CNNM2: variants seen among roughly 807,000 people sequenced by gnomAD.
CNNM2 encodes the protein cyclin and CBS domain divalent metal cation transport mediator 2, also known as metal transporter CNNM2.
CNNM2 carries 12 observed loss-of-function variants against 66.9 expected under a neutral mutation model. The ratio of observed to expected loss-of-function variants is 0.18; its 90% CI spans 0.11 to 0.29. The LOEUF (loss-of-function observed/expected upper bound fraction) is 0.29. CNNM2 is among the 10% of genes least tolerant of loss of function. CNNM2 has a pLI of 1.00. For synonymous variants in CNNM2, 557 were observed against 501.8 expected, an observed-to-expected ratio of 1.11 and a Z score of -1.47; for missense variants, 705 against 1,167.7, an observed-to-expected ratio of 0.60 and a Z score of 5.77.
intron 4 of CNNM2, among the ~76,000 whole-genome samples, chr10:103,065,461 A>C (rs191672586): frequency 6.6e-6 from 1 of 152,310 alleles, no homozygotes; most frequent in African/African-American, 2.4e-5. Context: ...AGATGGTGTG[A>C]ACCTATGGAT....
intron 1 of CNNM2, among the ~76,000 whole-genome samples, chr10:103,006,150 G>T (rs1324508559): frequency 3.3e-5 from 5 of 152,018 alleles, no homozygotes; most frequent in African/African-American, 1.2e-4. Flanking sequence ...CCATTGCAGG[G>T]GGAAAGCTTT....
Position 103,061,039 on chromosome 10 carries a change from G to A in CNNM2, c.2073+4075G>A, listed in dbSNP as rs181419321. On this transcript the variant is annotated intron_variant, in intron 4 of 7. Coordinates refer to ENST00000369878, the MANE Select transcript of CNNM2 (RefSeq NM_017649.5). ...TCCTTACGTACTTAAAAAGAAAATAGAACTATAATTATGTGGAAAAAGAGC... is the reference window on the plus strand; with the variant it reads ...TCCTTACGTACTTAAAAAGAAAATAAAACTATAATTATGTGGAAAAAGAGC... Among the ~76,000 whole-genome samples the A allele has an allele frequency of 4.6e-3, 707 of 152,104 alleles. 3 individuals are homozygous for A. Among genetic ancestry groups the A allele is most frequent in the Admixed American group, 7.2e-3 (110 of 15,266 alleles).
chr10:103,086,835 A>T lies in CNNM2; in HGVS notation c.*9655A>T, dbSNP rs1334311139. On this transcript the variant is annotated 3_prime_UTR_variant, in exon 8 of 8. Coordinates refer to ENST00000369878, the MANE Select transcript of CNNM2 (RefSeq NM_017649.5). ...ACCCTAAACTTTCTTGGCTGTGACCAACTTTTCTGAAGTACACCATCAGAG... is the reference window on the plus strand; with the variant it reads ...ACCCTAAACTTTCTTGGCTGTGACCTACTTTTCTGAAGTACACCATCAGAG... 1 of 152,224 alleles carries T rather than the reference A, an allele frequency of 6.6e-6. No homozygotes were observed. The highest frequency in any genetic ancestry group is 1.5e-5 in the Non-Finnish European group (1 of 68,044). The allele number at this position is 152,224 out of a possible 1,614,324, so 9.4% of individuals were successfully genotyped here. A position where few individuals can be genotyped will look rare whatever the true frequency, so the allele number is the denominator to read the frequency against.
chr10:102,937,301 T>C (rs951565128), intron 1 of CNNM2, among the ~76,000 whole-genome samples: 1 of 152,048 alleles, frequency 6.6e-6, no homozygotes, highest in African/African-American at 2.4e-5. Flanking sequence ...TGATCCCAGC[T>C]ACTCTTGAGG....
Position 102,933,710 on chromosome 10 carries a change from AT to A in CNNM2, c.1621+13618del, listed in dbSNP as rs977054539. Among the ~76,000 whole-genome samples, 24 of 152,002 alleles carry A rather than the reference AT, an allele frequency of 1.6e-4. No individual in the cohort carries two copies. The East Asian group carries it at 4.2e-3, about 27-fold the overall frequency. Reference sequence around the variant, plus strand: ...TAGGAAATTTGATAGGAAAGACTAAATTTTTTTTTAAGACAGGGTCTCATTA... The same window carrying A: ...TAGGAAATTTGATAGGAAAGACTAAATTTTTTTTAAGACAGGGTCTCATTA... On this transcript the variant is annotated intron_variant, in intron 1 of 7. Transcript: ENST00000369878.
chr10:102,927,216 C>T (rs1845900397), intron 1 of CNNM2: 2 of 1,249,776 alleles, frequency 1.6e-6, no homozygotes. Flanking sequence ...TGACAGTAAA[C>T]TTTCAATTCA....
chr10:102,940,733 T>C (rs935418137), intron 1 of CNNM2, among the ~76,000 whole-genome samples: 5 of 139,098 alleles, frequency 3.6e-5, no homozygotes, highest in African/African-American at 1.3e-4. Context: ...TTTATTATTA[T>C]TTTTTTGAGA....
chr10:103,036,065 C>A (rs2064931732), intron 1 of CNNM2, among the ~76,000 whole-genome samples: 1 of 152,062 alleles, frequency 6.6e-6, no homozygotes, highest in East Asian at 1.9e-4. Context: ...TTCTGTTAAT[C>A]CCTTTGTGGT....
rs779272781 is a variant in CNNM2, at chr10:103,089,725, T to TA, written c.*12547dup. The TA allele has an allele frequency of 6.2e-7, 1 of 1,613,492 alleles. No individual in the cohort carries two copies. Among genetic ancestry groups the TA allele is most frequent in the South Asian group, 1.1e-5 (1 of 90,964 alleles). ...TCATCATCTTCGTCATGGCAGTGTGTAATTTCCTGGGGGGCCAGTGGGAAG... is the reference window on the plus strand; with the variant it reads ...TCATCATCTTCGTCATGGCAGTGTGTAAATTTCCTGGGGGGCCAGTGGGAAG... On this transcript the variant is annotated 3_prime_UTR_variant, in exon 8 of 8. Transcript: ENST00000369878.
intron 1 of CNNM2, among the ~76,000 whole-genome samples, chr10:103,028,945 C>T (rs556551404): frequency 5.3e-5 from 8 of 151,122 alleles, no homozygotes; most frequent in African/African-American, 1.9e-4. Flanking sequence ...GTCTCAGTCT[C>T]CCAAGTAGCT....
At chr10:103,050,586 C>T (rs1428461654) in intron 2 of CNNM2, among the ~76,000 whole-genome samples, 2 of 150,990 alleles carry the variant, frequency 1.3e-5, no homozygotes, top group East Asian at 3.9e-4. Flanking sequence ...TAGATGACAA[C>T]TGTTTATACT....
Position 103,077,215 on chromosome 10 carries a change from G to T in CNNM2, c.*35G>T, listed in dbSNP as rs374445685. ...GCTGCACCCGCCCAGGCCCGCACCC[G>T]CCCAGTCCCGAGGGCCCGGCCCTGT... On this transcript the variant is annotated 3_prime_UTR_variant, in exon 8 of 8. Coordinates refer to ENST00000369878, the MANE Select transcript of CNNM2 (RefSeq NM_017649.5). 6.3e-6 allele frequency: 10 copies of T among 1,590,392 alleles called. No homozygotes were observed. In the Admixed American group the frequency reaches 1.0e-4, roughly 16 times the overall value.
chr10:103,028,159 C>T (rs961499989), intron 1 of CNNM2, among the ~76,000 whole-genome samples: 2 of 152,152 alleles, frequency 1.3e-5, no homozygotes, highest in Non-Finnish European at 2.9e-5. Context: ...ATTTGTAGTG[C>T]GTACTCACAG....
At chr10:102,987,405 C>T (rs1387968238) in intron 1 of CNNM2, among the ~76,000 whole-genome samples, 1 of 152,102 alleles carries the variant, frequency 6.6e-6, no homozygotes, top group East Asian at 1.9e-4. Context: ...ACTGCAAGCT[C>T]CGCCTCCCAG....
At chr10:102,977,711 C>T (rs1442102158) in intron 1 of CNNM2, among the ~76,000 whole-genome samples, 1 of 152,060 alleles carries the variant, frequency 6.6e-6, no homozygotes, top group Non-Finnish European at 1.5e-5. Context: ...GTCCCAGCTA[C>T]TGGGGTGGCT....
chr10:102,967,800 G>A (rs2063488234), intron 1 of CNNM2, among the ~76,000 whole-genome samples: 1 of 152,224 alleles, frequency 6.6e-6, no homozygotes, highest in Non-Finnish European at 1.5e-5. Context: ...CCTGAGGTCA[G>A]GAGTTCCTGC....
At chr10:103,036,966 G>A (rs1264100563) in intron 1 of CNNM2, among the ~76,000 whole-genome samples, 1 of 152,064 alleles carries the variant, frequency 6.6e-6, no homozygotes, top group Non-Finnish European at 1.5e-5. Flanking sequence ...TGCTCATATC[G>A]TGGTTGTGAC....
intron 1 of CNNM2, among the ~76,000 whole-genome samples, chr10:103,012,366 C>T (rs2064359561): frequency 6.6e-6 from 1 of 152,196 alleles, no homozygotes; most frequent in African/African-American, 2.4e-5. Flanking sequence ...TATTGCCAGG[C>T]TGGGCATGGT....
intron 1 of CNNM2, among the ~76,000 whole-genome samples, chr10:102,943,302 C>T (rs560059447): frequency 6.6e-6 from 1 of 152,134 alleles, no homozygotes; most frequent in Admixed American, 6.5e-5. Flanking sequence ...GTGGCATGCA[C>T]CTGTAGTCCC....
Sources: allele counts gnomAD v4.1 joint callset (sites outside exome capture counted in the v4.1 genomes callset), GRCh38; gene constraint gnomAD v4.1.1; transcripts MANE v1.5; gene names NCBI Gene and HGNC (gene_info 2026-07-23, HGNC 2026-07-21).